TRPC5: variants seen among roughly 807,000 people sequenced by gnomAD.
TRPC5 encodes the protein transient receptor potential cation channel subfamily C member 5.
Under a neutral mutation model 56.5 loss-of-function variants are expected in TRPC5, and 9 were observed. The ratio of observed to expected loss-of-function variants is 0.16; its 90% confidence interval spans 0.10 to 0.28. The LOEUF is 0.28. TRPC5 is among the 10% of genes least tolerant of loss of function. TRPC5 has a pLI of 1.00. For missense variants in TRPC5, 469 were observed against 748.9 expected (o/e 0.63, Z 4.36); for synonymous variants, 282 against 278.5 (o/e 1.01, Z -0.13).
At chrX:112,006,604 C>A (rs1928851285) in intron 1 of TRPC5, among the ~76,000 whole-genome samples, 1 of 111,138 alleles carries the variant, frequency 9.0e-6, no homozygotes, top group African/African-American at 3.3e-5. Context: ...GTTAATCATT[C>A]TGCTGAAGTT....
chrX:111,834,746 T>C (rs1922514733), intron 7 of TRPC5, among the ~76,000 whole-genome samples, 175 bp downstream of exon 7: 1 of 112,311 alleles, frequency 8.9e-6, no homozygotes, highest in Non-Finnish European at 1.9e-5. Context: ...GTCTATAGAC[T>C]AAGAGTCCAA....
At chrX:111,920,663 G>T (rs764819917) in intron 2 of TRPC5, among the ~76,000 whole-genome samples, 1 of 111,336 alleles carries the variant, frequency 9.0e-6, no homozygotes, top group Non-Finnish European at 1.9e-5. Flanking sequence ...CCTGAGCGGG[G>T]GGTATTTACA....
intron 1 of TRPC5, among the ~76,000 whole-genome samples, chrX:111,969,064 A>C (rs1927705949): frequency 9.0e-6 from 1 of 110,583 alleles, no homozygotes; most frequent in Non-Finnish European, 1.9e-5. Flanking sequence ...CAAAACAAAA[A>C]AAATTGCCAC....
In TRPC5 at chrX:112,013,339, C is replaced by T. The variant is rs190628206; in HGVS notation, c.-21-60898G>A. 3.6e-3 allele frequency among the ~76,000 whole-genome samples: 395 copies of T among 111,140 alleles called. 2 individuals carry two copies. Among genetic ancestry groups the T allele is most frequent in the African/African-American group, 0.012 (356 of 30,561 alleles). ...CTAATTTTTGTATTTTTAGTAGAGA[C>T]GGGGTTTCACCGTGTTGGCCAGGCT... On this transcript the variant is annotated intron_variant, in intron 1 of 10. Transcript: ENST00000262839.
chrX:112,004,323 CA>C (rs1004158639), intron 1 of TRPC5, among the ~76,000 whole-genome samples: 4 of 112,163 alleles, frequency 3.6e-5, no homozygotes, highest in Non-Finnish European at 7.5e-5. Context: ...GCATTTTGAA[CA>C]AGTAGTAACC....
chrX:111,776,280 G>C lies in TRPC5; in HGVS notation c.*33C>G, dbSNP rs1301231498. The C allele has an allele frequency of 9.0e-7, 1 of 1,108,345 alleles. No homozygotes were observed. The highest frequency in any genetic ancestry group is 1.2e-6 in the Non-Finnish European group (1 of 842,560). The allele number at this position is 1,108,345 out of a possible 1,213,427, so 91.3% of individuals were successfully genotyped here. ...GAGAGCAAGGAAATTACAGATTTCT[G>C]TTGAGTTCCAGAACAGATGATTAGG... On this transcript the variant is annotated 3_prime_UTR_variant, in exon 11 of 11. Transcript: ENST00000262839.
chrX:111,902,214 A>G (rs762968326), intron 3 of TRPC5: 1 of 940,825 alleles, frequency 1.1e-6, no homozygotes, highest in Non-Finnish European at 1.4e-6. Context: ...GTCCCCAGGG[A>G]TGTGAAAACT....
At chrX:111,846,959 C>T (rs1175340398) in intron 6 of TRPC5, among the ~76,000 whole-genome samples, 155 bp downstream of exon 6, 1 of 111,378 alleles carries the variant, frequency 9.0e-6, no homozygotes, top group African/African-American at 3.3e-5. Flanking sequence ...AACATTCCTC[C>T]ACCTCTGACC....
At chrX:112,045,238 CA>C (rs1333962661) in intron 1 of TRPC5, among the ~76,000 whole-genome samples, 1 of 111,730 alleles carries the variant, frequency 9.0e-6, no homozygotes, top group Non-Finnish European at 1.9e-5. Context: ...TACCTTATAA[CA>C]GGGGGACAGA....
chrX:111,906,034 T>C (rs1359651198), intron 3 of TRPC5, among the ~76,000 whole-genome samples: 3 of 110,517 alleles, frequency 2.7e-5, no homozygotes, highest in Admixed American at 9.6e-5. Flanking sequence ...AACATAACTT[T>C]AGTGTTTCAG....
chrX:112,019,589 C>T (rs982079718), intron 1 of TRPC5, among the ~76,000 whole-genome samples: 1 of 111,336 alleles, frequency 9.0e-6, no homozygotes, highest in African/African-American at 3.3e-5. Context: ...GCGCCCACCA[C>T]CACACCCGGC....
intron 1 of TRPC5, among the ~76,000 whole-genome samples, chrX:112,054,576 A>G (rs946528590): frequency 5.4e-5 from 6 of 111,223 alleles, no homozygotes; most frequent in African/African-American, 2.0e-4. Context: ...CTCTGGTGCC[A>G]TGTTCCAAAA....
rs763887840 is a variant in TRPC5, at chrX:111,902,057, T to G, written c.900+10234A>C. The G allele has an allele frequency of 3.5e-6, 4 of 1,155,413 alleles. No homozygotes were observed. In the South Asian group the frequency reaches 7.6e-5, roughly 22 times the overall value. On this transcript the variant is annotated intron_variant, in intron 3 of 10. Transcript: ENST00000262839. ...ACCTGATCTCCCTGATCTCTCAGACTTAGACTCAATACTTACACCAAGAGA... is the reference window on the plus strand; with the variant it reads ...ACCTGATCTCCCTGATCTCTCAGACGTAGACTCAATACTTACACCAAGAGA...
intron 1 of TRPC5, among the ~76,000 whole-genome samples, chrX:111,968,648 A>G (rs1927679951): frequency 9.1e-6 from 1 of 109,428 alleles, no homozygotes; most frequent in Non-Finnish European, 1.9e-5. Flanking sequence ...TGCAGCCATA[A>G]AAAATGATGA....
At chrX:112,004,758 AG>A (rs1447835499) in intron 1 of TRPC5, among the ~76,000 whole-genome samples, 1 of 111,411 alleles carries the variant, frequency 9.0e-6, no homozygotes, top group Non-Finnish European at 1.9e-5. Context: ...CATTTCAATG[AG>A]ATTAATATAG....
At chrX:111,792,072 G>C (rs969938784) in intron 7 of TRPC5, among the ~76,000 whole-genome samples, 2 of 112,145 alleles carry the variant, frequency 1.8e-5, no homozygotes, top group Non-Finnish European at 3.8e-5. Context: ...GCCCATCAAT[G>C]ATGGACTGGA....
intron 1 of TRPC5, among the ~76,000 whole-genome samples, chrX:112,010,967 C>T (rs930791081): frequency 1.8e-5 from 2 of 112,069 alleles, no homozygotes; most frequent in African/African-American, 6.5e-5. Flanking sequence ...CCACTTCCCT[C>T]AGGGGAGAGC....
intron 1 of TRPC5, among the ~76,000 whole-genome samples, chrX:111,957,047 C>T (rs1927254668): frequency 8.9e-6 from 1 of 112,235 alleles, no homozygotes; most frequent in African/African-American, 3.2e-5. Context: ...TAGTCCTCTA[C>T]CTAACCATTC....
chrX:111,893,471 T>A (rs1057021410), intron 3 of TRPC5, among the ~76,000 whole-genome samples: 2 of 111,736 alleles, frequency 1.8e-5, no homozygotes, highest in African/African-American at 3.3e-5. Flanking sequence ...ACTGTATCTG[T>A]CTAGGAAAAT....
Sources: gnomAD v4.1 joint callset for allele counts (sites outside exome capture counted in the v4.1 genomes callset) on GRCh38, gnomAD v4.1.1 for gene constraint, MANE v1.5 for transcripts, NCBI Gene and HGNC (gene_info 2026-07-23, HGNC 2026-07-21) for gene names.